Variants in DCAF11 observed in about 807,000 individuals in gnomAD.
DCAF11 encodes the protein DDB1- and CUL4-associated factor 11.
A neutral mutation model predicts 76.1 loss-of-function variants in DCAF11; 44 were observed. The ratio of observed to expected loss-of-function variants is 0.58; its 90% confidence interval spans 0.45 to 0.74. The LOEUF (loss-of-function observed/expected upper bound fraction) is 0.74, where lower values mean the gene tolerates loss of function less well. Among genes scored for constraint, DCAF11 ranks in the 30% least tolerant of loss-of-function variants. The pLI is 0.00. For missense variants in DCAF11, 604 were observed against 709.4 expected (o/e 0.85, Z 1.69); for synonymous variants, 258 against 255.0 (o/e 1.01, Z -0.11).
chr14:24,123,195 G>C lies in DCAF11; in HGVS notation c.1527G>C (p.Leu509=), dbSNP rs1490415275. 1 of 1,607,560 alleles carries C rather than the reference G, an allele frequency of 6.2e-7. No homozygotes were observed. The highest frequency in any genetic ancestry group is 1.7e-5 in the Admixed American group (1 of 59,694). The change falls in exon 15 of 15, where the codon CTG becomes CTC. Residue 509 remains leucine, a synonymous_variant. Coordinates refer to ENST00000446197, the MANE Select transcript of DCAF11 (RefSeq NM_025230.5). The stretch of plus-strand genomic sequence containing the variant: ...TGCAGTGGGACGGGAACCTGCGTCT[G>C]TGGCAGTACCGCCAGGCTGAGTACT... ...VSSSWDGNLR[L]WQYRQAEYFQ...
At position 24,117,519 on chromosome 14, in the gene DCAF11, A is replaced by G; in HGVS notation, c.411+126A>G. ...CCTCAAGCGCTGGGGCTGGAGAGTT[A>G]ACCAGCCTCCATCGGAGTTCTGTGG... On this transcript the variant is annotated intron_variant, in intron 4 of 14. Coordinates refer to ENST00000446197, the MANE Select transcript of DCAF11 (RefSeq NM_025230.5). This position sits in a 1 kb window ranked among gnomAD's most constrained non-coding sequence, Gnocchi z 4.3. The G allele has an allele frequency of 6.6e-7, 1 of 1,525,246 alleles. No individual in the cohort carries two copies. The highest frequency in any genetic ancestry group is 8.9e-7 in the Non-Finnish European group (1 of 1,121,978). The allele number at this position is 1,525,246 out of a possible 1,614,324, so 94.5% of individuals were successfully genotyped here. A position where few individuals can be genotyped will look rare whatever the true frequency, so the allele number is the denominator to read the frequency against.
chr14:24,123,327 A>G lies in DCAF11; in HGVS notation c.*18A>G, dbSNP rs764327158. ...CCCAGTAGATCCAACCTCCAGCCCC[A>G]TATAGGGTGAACCTCTTGATAAGCT... On this transcript the variant is annotated 3_prime_UTR_variant, in exon 15 of 15. Transcript: ENST00000446197. The G allele has an allele frequency of 1.3e-6, 2 of 1,514,420 alleles. No individual in the cohort carries two copies. The highest frequency in any genetic ancestry group is 4.5e-5 in the Admixed American group (2 of 44,360). 93.8% of individuals were successfully genotyped at this position (1,514,420 alleles called of 1,614,324 possible).
rs1245958801 is a variant in DCAF11 at position 24,119,772 on chromosome 14, T to C, written c.968T>C (p.Leu323Pro). ...VAFADISSQILFSGGDDAICK... is the reference protein window; with the variant it reads ...VAFADISSQIPFSGGDDAICK... ...TTTGCTGATATAAGCTCCCAAATCCTGTTCTCTGGGGGAGATGATGCCATC... is the reference window on the plus strand; with the variant it reads ...TTTGCTGATATAAGCTCCCAAATCCCGTTCTCTGGGGGAGATGATGCCATC... The change falls in exon 11 of 15, where the codon CTG becomes CCG. Residue 323 changes from leucine to proline, a missense_variant. By Grantham distance (98) the Leu-to-Pro change is moderately conservative (BLOSUM62 -3). Transcript: ENST00000446197. 6.2e-7 allele frequency: 1 copy of C among 1,614,250 alleles called. No homozygotes were observed. Among genetic ancestry groups the C allele is most frequent in the East Asian group, 2.2e-5 (1 of 44,892 alleles).
Position 24,119,803 on chromosome 14 carries a change from A to G in DCAF11, c.999A>G (p.Lys333=). ...CTGGGGGAGATGATGCCATCTGCAA[A>G]GTGTGGGATCGACGCACCATGCGGG... is the stretch of plus-strand genomic sequence containing the variant. The part of the protein sequence containing the change: ...LFSGGDDAIC[K]VWDRRTMRED... Residue 333 remains lysine (K), a synonymous_variant, in exon 11 of 15, where the codon AAA becomes AAG. Coordinates refer to ENST00000446197, the MANE Select transcript of DCAF11 (RefSeq NM_025230.5). The G allele has an allele frequency of 6.2e-7, 1 of 1,614,200 alleles. No individual in the cohort carries two copies. Among genetic ancestry groups the G allele is most frequent in the African/African-American group, 1.3e-5 (1 of 75,056 alleles).
At position 24,121,435 on chromosome 14, in the gene DCAF11, C is replaced by G; in HGVS notation, c.1317C>G (p.Thr439=). ...ACCGGGGCCACGGAGTGCTGCACAC[C>G]CTCATCCGCTGCCGGTTCTCCCCCA... The part of the protein sequence containing the change: ...MTYRGHGVLH[T]LIRCRFSPIH... The change falls in exon 13 of 15, where the codon ACC becomes ACG. Residue 439 remains threonine, a synonymous_variant. Coordinates refer to ENST00000446197, the MANE Select transcript of DCAF11 (RefSeq NM_025230.5). 1 of 1,614,174 alleles carries G rather than the reference C, an allele frequency of 6.2e-7. No homozygotes were observed. The highest frequency in any genetic ancestry group is 1.3e-5 in the African/African-American group (1 of 75,042).
intron 2 of DCAF11, among the ~76,000 whole-genome samples, chr14:24,116,001 T>C (rs1436642397): frequency 1.3e-5 from 2 of 151,598 alleles, no homozygotes; most frequent in African/African-American, 4.9e-5. Flanking sequence ...GGAGCCTGTC[T>C]CTGTGACTAC....
rs2037598212 is a variant in DCAF11, at chr14:24,117,258, A to C, written c.284-8A>C. 6.2e-7 allele frequency: 1 copy of C among 1,614,104 alleles called. No homozygotes were observed. Among genetic ancestry groups the C allele is most frequent in the African/African-American group, 1.3e-5 (1 of 75,030 alleles). On this transcript the variant is annotated splice_polypyrimidine_tract_variant and splice_region_variant and intron_variant, in intron 3 of 14. Transcript: ENST00000446197. This position sits in a 1 kb window ranked among gnomAD's most constrained non-coding sequence, Gnocchi z 4.3. ...ACCTAGGATGAAACTTCTCCTTGGT[A>C]CTCACAGTGGATGCTACCCCTGACA...
At chr14:24,115,807 C>T in intron 2 of DCAF11, 58 bp downstream of exon 2, 1 of 1,564,492 alleles carries the variant, frequency 6.4e-7, no homozygotes. Flanking sequence ...TTGATCCCAA[C>T]TCCAGGCAGG....
rs111512015 is a variant in DCAF11, at chr14:24,115,359, C to G, written c.-213-23C>G. The G allele has an allele frequency of 8.5e-6, 4 of 470,646 alleles. No individual in the cohort carries two copies. In the South Asian group the frequency reaches 1.5e-4, roughly 18 times the overall value. 29.2% of individuals were successfully genotyped at this position (470,646 alleles called of 1,614,324 possible). A position where few individuals can be genotyped will look rare whatever the true frequency, so the allele number is the denominator to read the frequency against. On this transcript the variant is annotated intron_variant, in intron 1 of 14. Transcript: ENST00000446197. ...AGCTAGGGTAGCGCACTACGGTTCA[C>G]TCTTGCTTTCTTTGCTTCACAGGAT...
chr14:24,119,674 G>T (rs1222311434), intron 10 of DCAF11, 37 bp from the exon 11 acceptor site: 2 of 1,614,038 alleles, frequency 1.2e-6, no homozygotes, highest in Admixed American at 3.3e-5. Flanking sequence ...ATAAGACCTA[G>T]AAAGAGGTCT....
rs151212223 is a variant in DCAF11 at position 24,118,311 on chromosome 14, A to G, written c.578-77A>G. 319 of 1,603,774 alleles carry G rather than the reference A, an allele frequency of 2.0e-4. 3 individuals carry two copies. The East Asian group carries it at 7.1e-3, about 36-fold the overall frequency. On this transcript the variant is annotated intron_variant, in intron 6 of 14. Transcript: ENST00000446197. The stretch of plus-strand genomic sequence containing the variant: ...GATAAAGGGAAGACTCCACAGGTAC[A>G]CTGAGTGGGAGATGTCTAATCTAGA...
intron 6 of DCAF11, 23 bp from the exon 7 acceptor site, chr14:24,118,365 C>T (rs775034648): frequency 1.2e-6 from 2 of 1,612,854 alleles, no homozygotes; most frequent in South Asian, 2.2e-5. Context: ...TCCCATAATT[C>T]TGCCTGATCT....
At chr14:24,119,373 C>A in intron 9 of DCAF11, 160 bp downstream of exon 9, 1 of 1,197,232 alleles carries the variant, frequency 8.4e-7, no homozygotes. Flanking sequence ...CTCTCCATTT[C>A]CCCAGCACGA....
At position 24,123,383 on chromosome 14, in the gene DCAF11, G is replaced by C; in HGVS notation, c.*74G>C. On this transcript the variant is annotated 3_prime_UTR_variant, in exon 15 of 15. Coordinates refer to ENST00000446197, the MANE Select transcript of DCAF11 (RefSeq NM_025230.5). ...CCTCCTCCTCCCTTTCTCCCTTGTGGGGAATGTTTGGAGGAATCACTGGCA... is the reference window on the plus strand; with the variant it reads ...CCTCCTCCTCCCTTTCTCCCTTGTGCGGAATGTTTGGAGGAATCACTGGCA... 1 of 1,493,670 alleles carries C rather than the reference G, an allele frequency of 6.7e-7. No homozygotes were observed. The highest frequency in any genetic ancestry group is 8.9e-7 in the Non-Finnish European group (1 of 1,120,994). The allele number at this position is 1,493,670 out of a possible 1,614,324, so 92.5% of individuals were successfully genotyped here. A position where few individuals can be genotyped will look rare whatever the true frequency, so the allele number is the denominator to read the frequency against.
chr14:24,115,931 G>A (rs2037545469), intron 2 of DCAF11, among the ~76,000 whole-genome samples, 182 bp downstream of exon 2: 1 of 152,014 alleles, frequency 6.6e-6, no homozygotes, highest in Non-Finnish European at 1.5e-5. Flanking sequence ...AGTAAGAGTG[G>A]TTCTTACCTA....
In DCAF11 at chr14:24,118,460, T is replaced by C; in HGVS notation, c.650T>C (p.Val217Ala). Residue 217 changes from valine to alanine, a missense_variant, in exon 7 of 15, where the codon GTA becomes GCA. Transcript: ENST00000446197. ...TTCAAGAGCATCAAGGCCCGCGACG[T>C]AGGCTGGAGCGTCTTGGATGTGGCC... ...RKFKSIKARD[V>A]GWSVLDVAFT... The C allele has an allele frequency of 6.2e-7, 1 of 1,614,218 alleles. No homozygotes were observed. Among genetic ancestry groups the C allele is most frequent in the Non-Finnish European group, 8.5e-7 (1 of 1,180,034 alleles).
intron 6 of DCAF11, 55 bp downstream of exon 6, chr14:24,118,210 C>T: frequency 6.4e-7 from 1 of 1,573,238 alleles, no homozygotes; most frequent in Non-Finnish European, 8.7e-7. Context: ...GACATTCCCC[C>T]TGACTGAGGC....
Position 24,124,293 on chromosome 14 carries a change from C to G in DCAF11, c.*984C>G, listed in dbSNP as rs1405041366. On this transcript the variant is annotated 3_prime_UTR_variant, in exon 15 of 15. Transcript: ENST00000446197. Reference sequence around the variant, plus strand: ...CACTTTCCATTAGAGCCTGGTAATACCCATATCACCTCTGCTCTGAGGCTG... The same window carrying G: ...CACTTTCCATTAGAGCCTGGTAATAGCCATATCACCTCTGCTCTGAGGCTG... 6.6e-6 allele frequency: 1 copy of G among 152,258 alleles called. No homozygotes were observed. Among genetic ancestry groups the G allele is most frequent in the East Asian group, 1.9e-4 (1 of 5,200 alleles). The allele number at this position is 152,258 out of a possible 1,614,324, so 9.4% of individuals were successfully genotyped here.
chr14:24,119,433 TC>T (rs1167977943), intron 9 of DCAF11, 125 bp from the exon 10 acceptor site: 4 of 1,307,182 alleles, frequency 3.1e-6, no homozygotes, highest in Non-Finnish European at 4.4e-6. Flanking sequence ...TTCCCCCACT[TC>T]CTGTATAAAA....
Sources: allele counts gnomAD v4.1 joint callset (sites outside exome capture counted in the v4.1 genomes callset), GRCh38; gene constraint gnomAD v4.1.1; non-coding constraint Gnocchi (gnomAD v3.1); transcripts MANE v1.5; gene names NCBI Gene and HGNC (gene_info 2026-07-23, HGNC 2026-07-21).